Variants in NALCN observed in about 807,000 individuals in gnomAD.
NALCN encodes sodium leak channel NALCN.
NALCN carries 111 observed loss-of-function variants against 225.3 expected under a neutral mutation model. The ratio of observed to expected loss-of-function variants is 0.49; its 90% CI spans 0.42 to 0.58. The LOEUF is 0.58. Ranked by LOEUF, NALCN falls within the 20% of genes least tolerant of loss-of-function variation. The pLI is 0.00. For missense variants in NALCN, 1,378 were observed against 2,202.4 expected (o/e 0.63, Z 7.49); for synonymous variants, 764 against 769.0 (o/e 0.99, Z 0.11).
At chr13:101,117,273 T>C (rs572666011) in intron 18 of NALCN, among the ~76,000 whole-genome samples, 1 of 152,230 alleles carries the variant, frequency 6.6e-6, no homozygotes, top group East Asian at 1.9e-4. Flanking sequence ...AAAAGAAAAA[T>C]TAACTCATGA....
At chr13:101,178,359 A>T (rs1454162001) in intron 14 of NALCN, among the ~76,000 whole-genome samples, 1 of 152,176 alleles carries the variant, frequency 6.6e-6, no homozygotes, top group Non-Finnish European at 1.5e-5. Flanking sequence ...ATCTAAAAAA[A>T]GGGGGGTCGG....
At chr13:101,068,183 G>T in intron 38 of NALCN, 150 bp from the exon 39 acceptor site, 1 of 603,700 alleles carries the variant, frequency 1.7e-6, no homozygotes, top group South Asian at 2.1e-5. Context: ...TTCCAAATTG[G>T]CATGTTTACA....
At chr13:101,408,855 G>A (rs994022576) in intron 1 of NALCN, among the ~76,000 whole-genome samples, 32 of 152,078 alleles carry the variant, frequency 2.1e-4, no homozygotes, top group African/African-American at 7.2e-4. Context: ...ACCACATAGG[G>A]GAAGGCAAAT....
intron 11 of NALCN, among the ~76,000 whole-genome samples, chr13:101,240,389 T>G (rs995438809): frequency 7.2e-5 from 11 of 152,004 alleles, no homozygotes; most frequent in Non-Finnish European, 8.8e-5. Context: ...TTTTACTATT[T>G]CTACCCAGTT....
At chr13:101,164,304 G>A (rs1459205647) in intron 15 of NALCN, among the ~76,000 whole-genome samples, 1 of 151,902 alleles carries the variant, frequency 6.6e-6, no homozygotes, top group African/African-American at 2.4e-5. Flanking sequence ...TTCTTGGGGG[G>A]TTGGGGGGAC....
intron 13 of NALCN, among the ~76,000 whole-genome samples, chr13:101,204,346 A>G (rs1261943449): frequency 2.6e-5 from 4 of 152,142 alleles, no homozygotes; most frequent in Non-Finnish European, 4.4e-5. Context: ...TCTTTTTTCA[A>G]AATGAACCCA....
intron 7 of NALCN, among the ~76,000 whole-genome samples, chr13:101,307,616 G>T (rs1250470091): frequency 6.6e-6 from 1 of 152,132 alleles, no homozygotes; most frequent in African/African-American, 2.4e-5. Context: ...ACAAATTCCT[G>T]TCTGGTATAC....
chr13:101,173,248 T>C (rs1030310400), intron 15 of NALCN, among the ~76,000 whole-genome samples: 1 of 152,246 alleles, frequency 6.6e-6, no homozygotes, highest in South Asian at 2.1e-4. Context: ...AATATGAGGA[T>C]GCCTTTGTTA....
In NALCN at chr13:101,250,772, TA is replaced by T. The variant is rs1429480495; in HGVS notation, c.1266+7670del. 4.0e-5 allele frequency among the ~76,000 whole-genome samples: 6 copies of T among 151,424 alleles called. No individual in the cohort carries two copies. In the East Asian group the frequency reaches 9.7e-4, roughly 25 times the overall value. On this transcript the variant is annotated intron_variant, in intron 11 of 43. Coordinates refer to ENST00000251127, the MANE Select transcript of NALCN (RefSeq NM_052867.4). ...CTTCTATTGAAGAAAAGACAGCAAA[TA>T]AAAGTTAAAAGACAAGCTGAAGGCT... is the stretch of plus-strand genomic sequence containing the variant.
At chr13:101,166,612 T>C (rs980154793) in intron 15 of NALCN, among the ~76,000 whole-genome samples, 2 of 152,176 alleles carry the variant, frequency 1.3e-5, no homozygotes, top group Non-Finnish European at 1.5e-5. Flanking sequence ...CTATAGGAGC[T>C]CTTTCATATT....
In NALCN at chr13:101,292,234, C is replaced by CA; in HGVS notation, c.931dup (p.Trp311LeufsTer13). The CA allele has an allele frequency of 6.2e-7, 1 of 1,613,972 alleles. No individual in the cohort carries two copies. The highest frequency in any genetic ancestry group is 8.5e-7 in the Non-Finnish European group (1 of 1,179,984). On this transcript the variant is annotated frameshift_variant, in exon 8 of 44. Coordinates refer to ENST00000251127, the MANE Select transcript of NALCN (RefSeq NM_052867.4). LOFTEE classifies it high-confidence loss of function. The surrounding 1 kb of genome is among the most constrained non-coding windows in gnomAD (Gnocchi z 4.3). ...AATTCTTCGCAGTACCTTCACAAGC[C>CA]AGGCGAGGAAGAAAATGAGAGTGAT...
chr13:101,101,732 C>G (rs543198433), intron 26 of NALCN, among the ~76,000 whole-genome samples: 7 of 152,158 alleles, frequency 4.6e-5, no homozygotes, highest in Non-Finnish European at 5.9e-5. Flanking sequence ...TTAACTCATG[C>G]TCCCTCTGCT....
chr13:101,273,361 G>C, intron 10 of NALCN, among the ~76,000 whole-genome samples: 1 of 152,104 alleles, frequency 6.6e-6, no homozygotes, highest in East Asian at 1.9e-4. Flanking sequence ...TACCTGCTTG[G>C]TTTGGTGCTA....
rs1186082070 is a variant in NALCN, at chr13:101,292,948, C to T, written c.800-582G>A. ...ACTTTGTATTTTCTGGGAGAATTAC[C>T]TCATAGAAAGTACTTCTAGTAATGG... On this transcript the variant is annotated intron_variant, in intron 7 of 43. Coordinates refer to ENST00000251127, the MANE Select transcript of NALCN (RefSeq NM_052867.4). This position sits in a 1 kb window ranked among gnomAD's most constrained non-coding sequence, Gnocchi z 4.3. Among the ~76,000 whole-genome samples, 5 of 152,216 alleles carry T rather than the reference C, an allele frequency of 3.3e-5. No homozygotes were observed. The highest frequency in any genetic ancestry group is 7.4e-5 in the Non-Finnish European group (5 of 68,012).
intron 11 of NALCN, among the ~76,000 whole-genome samples, chr13:101,251,910 A>G (rs1344884981): frequency 6.6e-6 from 1 of 152,226 alleles, no homozygotes; most frequent in Non-Finnish European, 1.5e-5. Context: ...CTTAATACAT[A>G]TTTAGTCTAC....
intron 15 of NALCN, among the ~76,000 whole-genome samples, chr13:101,169,171 C>T (rs915732436): frequency 1.3e-5 from 2 of 152,118 alleles, no homozygotes; most frequent in African/African-American, 4.8e-5. Flanking sequence ...TCCTGACCAT[C>T]ACATGTCCCT....
intron 3 of NALCN, among the ~76,000 whole-genome samples, chr13:101,380,859 C>CACACATAT (rs1016385634): frequency 2.4e-5 from 2 of 82,762 alleles, no homozygotes; most frequent in Admixed American, 1.2e-4. Flanking sequence ...GCCTAGCTAA[C>CACACATAT]ACACACACAC....
chr13:101,213,864 T>C (rs1279081308), intron 13 of NALCN, among the ~76,000 whole-genome samples: 1 of 152,064 alleles, frequency 6.6e-6, no homozygotes, highest in Non-Finnish European at 1.5e-5. Flanking sequence ...ACTAGTTCAA[T>C]CATTGTGGAA....
At chr13:101,387,613 G>C (rs2047033931) in intron 3 of NALCN, among the ~76,000 whole-genome samples, 1 of 152,172 alleles carries the variant, frequency 6.6e-6, no homozygotes, top group African/African-American at 2.4e-5. Flanking sequence ...GATAACTGCA[G>C]TGCTATTGGC....
Sources: gnomAD v4.1 joint callset for allele counts (sites outside exome capture counted in the v4.1 genomes callset) on GRCh38, gnomAD v4.1.1 for gene constraint, Gnocchi (gnomAD v3.1) non-coding constraint, MANE v1.5 for transcripts, NCBI Gene and HGNC (gene_info 2026-07-23, HGNC 2026-07-21) for gene names.